Variants in ADD2 observed in about 807,000 individuals in gnomAD.
The protein encoded by ADD2 is beta-adducin.
ADD2 carries 23 observed loss-of-function variants against 83.0 expected under a neutral mutation model. The observed-to-expected ratio is 0.28, with a 90% CI of 0.20 to 0.39. ADD2 has a LOEUF of 0.39. Ranked by LOEUF, ADD2 falls within the 10% of genes least tolerant of loss-of-function variation. The pLI is 1.00. For missense variants in ADD2, 758 were observed against 944.9 expected, an observed-to-expected ratio of 0.80 and a Z score of 2.59; for synonymous variants, 375 against 375.4, an observed-to-expected ratio of 1.00 and a Z score of 0.01.
rs191438098 is a variant in ADD2, at chr2:70,712,987, T to C, written c.-35+79A>G. The C allele has an allele frequency of 3.4e-4, 177 of 518,646 alleles. 1 individual carries two copies. In the African/African-American group the frequency reaches 3.5e-3, roughly 10 times the overall value. 32.1% of individuals were successfully genotyped at this position (518,646 alleles called of 1,614,324 possible). Reference sequence around the variant, plus strand: ...GAAGCTCATCCTCATGCAAAGGGCCTTGTCTGTACCTCACGTGATGGGCCC... The same window carrying C: ...GAAGCTCATCCTCATGCAAAGGGCCCTGTCTGTACCTCACGTGATGGGCCC... On this transcript the variant is annotated intron_variant, in intron 2 of 15. Transcript: ENST00000264436.
intron 2 of ADD2, among the ~76,000 whole-genome samples, chr2:70,712,765 T>C (rs1383157710): frequency 6.6e-6 from 1 of 152,082 alleles, no homozygotes; most frequent in East Asian, 1.9e-4. Context: ...AATGGGAAGG[T>C]GGAACAGGCT....
In ADD2 at chr2:70,659,692, C is replaced by T. The variant is rs1452778575; in HGVS notation, c.*3733G>A. On this transcript the variant is annotated 3_prime_UTR_variant, in exon 16 of 16. Coordinates refer to ENST00000264436, the MANE Select transcript of ADD2 (RefSeq NM_001617.4). ...GGCTCTTAGGGAGTCCAGATCTGGG[C>T]TAGAAGGTGTCTCTTTCTGCAGTTT... 6.6e-6 allele frequency: 1 copy of T among 152,232 alleles called. No homozygotes were observed. Among genetic ancestry groups the T allele is most frequent in the South Asian group, 2.1e-4 (1 of 4,822 alleles). 9.4% of individuals were successfully genotyped at this position (152,232 alleles called of 1,614,324 possible). A position where few individuals can be genotyped will look rare whatever the true frequency, so the allele number is the denominator to read the frequency against.
chr2:70,762,094 A>T (rs567914936), intron 1 of ADD2, among the ~76,000 whole-genome samples: 1 of 152,080 alleles, frequency 6.6e-6, no homozygotes. Context: ...GTGGAAAAAT[A>T]GCTTGGAATT....
rs537219640 is a variant in ADD2, at chr2:70,758,107, T to A, written c.-154+9779A>T. Among the ~76,000 whole-genome samples, 8 of 152,352 alleles carry A rather than the reference T, an allele frequency of 5.3e-5. No individual in the cohort carries two copies. In the South Asian group the frequency reaches 1.7e-3, roughly 32 times the overall value. The stretch of plus-strand genomic sequence containing the variant: ...CGGCAGGAACTGTGAGGGATCGACA[T>A]CTTTATAACATCGGTTCTTCCCATC... On this transcript the variant is annotated intron_variant, in intron 1 of 15. Transcript: ENST00000264436.
At chr2:70,703,331 C>T (rs1417375786) in intron 4 of ADD2, among the ~76,000 whole-genome samples, 3 of 152,034 alleles carry the variant, frequency 2.0e-5, no homozygotes, top group Non-Finnish European at 2.9e-5. Context: ...CACATTAAAA[C>T]ACAAATAAAG....
intron 1 of ADD2, among the ~76,000 whole-genome samples, chr2:70,763,430 T>G (rs1675220588): frequency 6.6e-6 from 1 of 152,062 alleles, no homozygotes. Flanking sequence ...AGAATCTGTG[T>G]GTGTCCCTGT....
intron 1 of ADD2, among the ~76,000 whole-genome samples, chr2:70,716,674 T>C (rs7585539): frequency 0.41 from 62,111 of 151,764 alleles, 14,976 homozygotes; most frequent in African/African-American, 0.65. Context: ...GCCAGCTTAA[T>C]GAAGCAGCCC....
At chr2:70,710,681 G>A (rs1396546242) in intron 2 of ADD2, among the ~76,000 whole-genome samples, 1 of 152,238 alleles carries the variant, frequency 6.6e-6, no homozygotes, top group African/African-American at 2.4e-5. Context: ...AGACTACCTG[G>A]GTTCAAATCT....
intron 15 of ADD2, 44 bp downstream of exon 15, chr2:70,672,834 A>C: frequency 3.2e-6 from 5 of 1,568,304 alleles, no homozygotes; most frequent in Non-Finnish European, 4.3e-6. Flanking sequence ...CAGCCTGCAG[A>C]TGCACCCCTC....
chr2:70,741,822 T>C (rs532638831), intron 1 of ADD2, among the ~76,000 whole-genome samples: 1 of 152,324 alleles, frequency 6.6e-6, no homozygotes, highest in South Asian at 2.1e-4. Flanking sequence ...TCATATGGTG[T>C]CTTGGTACTG....
At chr2:70,767,626 C>A (rs1182179294) in intron 1 of ADD2, 3 of 1,291,868 alleles carry the variant, frequency 2.3e-6, no homozygotes, top group African/African-American at 3.1e-5. Flanking sequence ...ACGCTCCGGG[C>A]GAGGGTCCCA....
intron 1 of ADD2, among the ~76,000 whole-genome samples, chr2:70,747,099 C>T (rs550805676): frequency 4.8e-4 from 72 of 151,330 alleles, no homozygotes; most frequent in African/African-American, 1.7e-3. Context: ...TAAGCTCCGC[C>T]TCCCAGGTTC....
intron 1 of ADD2, among the ~76,000 whole-genome samples, chr2:70,752,094 A>G (rs868930688): frequency 6.6e-6 from 1 of 152,216 alleles, no homozygotes; most frequent in African/African-American, 2.4e-5. Flanking sequence ...TCTGTAACAC[A>G]CACGCGCTTT....
At chr2:70,740,562 A>G (rs1260079569) in intron 1 of ADD2, among the ~76,000 whole-genome samples, 1 of 152,178 alleles carries the variant, frequency 6.6e-6, no homozygotes, top group Non-Finnish European at 1.5e-5. Flanking sequence ...CAATTTCTTC[A>G]TTCTAGGAGA....
intron 1 of ADD2, among the ~76,000 whole-genome samples, chr2:70,735,188 G>T (rs1170523823): frequency 2.0e-5 from 3 of 151,906 alleles, no homozygotes; most frequent in Non-Finnish European, 4.4e-5. Flanking sequence ...GCACAGGAAG[G>T]TACAGTGAGA....
intron 12 of ADD2, 116 bp downstream of exon 12, chr2:70,677,642 G>C: frequency 7.5e-7 from 1 of 1,338,904 alleles, no homozygotes; most frequent in Non-Finnish European, 1.0e-6. Context: ...TCTCTCCTGT[G>C]AGGCATGTGA....
chr2:70,683,022 C>CT (rs35087942), intron 10 of ADD2, among the ~76,000 whole-genome samples: 49,494 of 124,438 alleles, frequency 0.4, 10,658 homozygotes, highest in African/African-American at 0.42. Flanking sequence ...GGAGTATGAC[C>CT]TTTTTTTTTT....
At chr2:70,726,713 T>A (rs1046568817) in intron 1 of ADD2, among the ~76,000 whole-genome samples, 8 of 152,210 alleles carry the variant, frequency 5.3e-5, no homozygotes, top group African/African-American at 1.9e-4. Context: ...TCACCTCTAA[T>A]GTAGCCCGTG....
chr2:70,663,632 T>C lies in ADD2; in HGVS notation c.1974A>G (p.Ala658=). 2 of 1,614,144 alleles carry C rather than the reference T, an allele frequency of 1.2e-6. No individual in the cohort carries two copies. Among genetic ancestry groups the C allele is most frequent in the Non-Finnish European group, 1.7e-6 (2 of 1,180,006 alleles). ...TCAGGCCTTTGCTGAGGATTTCCTC[T>C]GCCGTCTGCTCCTCCTCCCTCCCGT... ...VVNGREEEQT[A]EEILSKGLSQ... The change falls in exon 16 of 16, where the codon GCA becomes GCG. Residue 658 remains alanine (A), a synonymous_variant. Transcript: ENST00000264436.
Sources: allele counts gnomAD v4.1 joint callset (sites outside exome capture counted in the v4.1 genomes callset), GRCh38; gene constraint gnomAD v4.1.1; transcripts MANE v1.5; gene names NCBI Gene and HGNC (gene_info 2026-07-23, HGNC 2026-07-21).